The following CSMD1 variants were observed in gnomAD, a reference collection of about 807,000 sequenced individuals.
CSMD1 encodes CUB and Sushi multiple domains 1, also known as CUB and sushi domain-containing protein 1.
CSMD1 carries 213 observed loss-of-function variants against 417.5 expected under a neutral mutation model. The ratio of observed to expected loss-of-function variants is 0.51; its 90% CI spans 0.46 to 0.57. The LOEUF (loss-of-function observed/expected upper bound fraction) is 0.57. CSMD1 is among the 20% of genes least tolerant of loss of function. The probability of loss-of-function intolerance (pLI) is 0.00; values close to 1 mark genes in which losing one functional copy is unlikely to be tolerated. For missense variants in CSMD1, 6,923 were observed against 4,529.7 expected, an observed-to-expected ratio of 1.53 and a Z score of -15.17; for synonymous variants, 2,862 against 1,736.8, an observed-to-expected ratio of 1.65 and a Z score of -16.11.
At chr8:4,616,229 T>G (rs1291806584) in intron 2 of CSMD1, among the ~76,000 whole-genome samples, 1 of 152,134 alleles carries the variant, frequency 6.6e-6, no homozygotes, top group East Asian at 1.9e-4. Flanking sequence ...TAGGAGCACT[T>G]TGAGAATTGA....
chr8:3,715,597 C>T (rs1261171841), intron 6 of CSMD1, among the ~76,000 whole-genome samples: 1 of 152,166 alleles, frequency 6.6e-6, no homozygotes, highest in African/African-American at 2.4e-5. Flanking sequence ...CGCTGGAGTG[C>T]AGTGACACAA....
chr8:4,009,881 T>G (rs1816411612), intron 4 of CSMD1, among the ~76,000 whole-genome samples: 1 of 152,076 alleles, frequency 6.6e-6, no homozygotes, highest in Admixed American at 6.5e-5. Context: ...TCGTACATCC[T>G]TTGTCTTCCT....
intron 11 of CSMD1, among the ~76,000 whole-genome samples, chr8:3,483,477 T>C (rs965987838): frequency 2.0e-5 from 3 of 152,188 alleles, no homozygotes; most frequent in African/African-American, 7.2e-5. Context: ...TAGAAATTAA[T>C]GGTATAACAT....
chr8:4,722,105 T>A (rs2116913990), intron 1 of CSMD1, among the ~76,000 whole-genome samples: 1 of 152,230 alleles, frequency 6.6e-6, no homozygotes, highest in South Asian at 2.1e-4. Context: ...GCATGAAAAC[T>A]ATAGGTAATA....
chr8:4,261,620 G>A (rs1310031824), intron 3 of CSMD1, among the ~76,000 whole-genome samples: 1 of 151,954 alleles, frequency 6.6e-6, no homozygotes, highest in African/African-American at 2.4e-5. Flanking sequence ...ATGTTGCGCA[G>A]GCTAGTGTTG....
chr8:4,328,212 T>C (rs1014790727), intron 3 of CSMD1, among the ~76,000 whole-genome samples: 9 of 151,278 alleles, frequency 5.9e-5, no homozygotes, highest in African/African-American at 2.2e-4. Flanking sequence ...ACCCAAATTC[T>C]ACACACCCAA....
chr8:3,512,215 C>A (rs948521962), intron 10 of CSMD1, among the ~76,000 whole-genome samples: 1 of 152,220 alleles, frequency 6.6e-6, no homozygotes, highest in African/African-American at 2.4e-5. Flanking sequence ...AATTTACCAC[C>A]GCTCCTCGCG....
intron 26 of CSMD1, among the ~76,000 whole-genome samples, chr8:3,277,039 A>G (rs1385797603): frequency 6.6e-6 from 1 of 152,134 alleles, no homozygotes; most frequent in Non-Finnish European, 1.5e-5. Flanking sequence ...AGATAGGCAC[A>G]CTGGAATTTC....
intron 3 of CSMD1, among the ~76,000 whole-genome samples, chr8:4,208,896 A>G (rs1800136256): frequency 6.6e-6 from 1 of 152,124 alleles, no homozygotes; most frequent in Non-Finnish European, 1.5e-5. Context: ...ATTTTCTTAA[A>G]TTTCTTTTTA....
chr8:4,523,270 T>C (rs1275973349), intron 2 of CSMD1, among the ~76,000 whole-genome samples: 1 of 152,202 alleles, frequency 6.6e-6, no homozygotes, highest in Non-Finnish European at 1.5e-5. Flanking sequence ...CTCAAATCAT[T>C]TGCCATACCT....
intron 1 of CSMD1, among the ~76,000 whole-genome samples, chr8:4,885,299 T>A (rs983748549): frequency 9.2e-5 from 14 of 152,130 alleles, no homozygotes; most frequent in East Asian, 1.9e-4. Flanking sequence ...TTCCTTCTTT[T>A]TTTTATTATT....
At chr8:3,088,275 C>T (rs774024708) in intron 48 of CSMD1, among the ~76,000 whole-genome samples, 1 of 152,210 alleles carries the variant, frequency 6.6e-6, no homozygotes, top group Non-Finnish European at 1.5e-5. Flanking sequence ...TAGGTCACTA[C>T]TGCATAAGGC....
At chr8:4,365,061 A>G (rs949688654) in intron 3 of CSMD1, among the ~76,000 whole-genome samples, 2 of 152,182 alleles carry the variant, frequency 1.3e-5, no homozygotes, top group African/African-American at 4.8e-5. Flanking sequence ...GACATTTTCC[A>G]TATTCATCAG....
In CSMD1 at chr8:3,946,999, C is replaced by A. The variant is rs188222040; in HGVS notation, c.818+50904G>T. Among the ~76,000 whole-genome samples the A allele has an allele frequency of 5.3e-5, 8 of 152,168 alleles. No individual in the cohort carries two copies. The East Asian group carries it at 1.4e-3, about 26-fold the overall frequency. On this transcript the variant is annotated intron_variant, in intron 5 of 69. Coordinates refer to ENST00000635120, the MANE Select transcript of CSMD1 (RefSeq NM_033225.6). ...CATCATATAAATAAATACGTTGGAT[C>A]TCATATTTCTAATCTCTATGTCTGT...
intron 1 of CSMD1, among the ~76,000 whole-genome samples, chr8:4,869,945 C>T (rs979089483): frequency 9.9e-5 from 15 of 151,858 alleles, no homozygotes; most frequent in Admixed American, 2.0e-4. Flanking sequence ...TCCTAATCTA[C>T]AATAATCTTA....
At chr8:4,514,246 CT>C (rs892073793) in intron 2 of CSMD1, among the ~76,000 whole-genome samples, 8 of 152,160 alleles carry the variant, frequency 5.3e-5, no homozygotes, top group African/African-American at 1.9e-4. Context: ...GTCTGTGCTT[CT>C]TTTTATACGG....
chr8:4,553,760 C>G (rs1325679908), intron 2 of CSMD1, among the ~76,000 whole-genome samples: 1 of 152,144 alleles, frequency 6.6e-6, no homozygotes, highest in African/African-American at 2.4e-5. Flanking sequence ...TCTAACTGCT[C>G]AGAGTAACGT....
intron 23 of CSMD1, among the ~76,000 whole-genome samples, chr8:3,308,731 A>AATTTTTT (rs750152499): frequency 1.3e-5 from 1 of 75,882 alleles, no homozygotes. Flanking sequence ...CCTACTTACA[A>AATTTTTT]GTTTTTTTTT....
chr8:4,947,826 T>C (rs1413107704), intron 1 of CSMD1, among the ~76,000 whole-genome samples: 5 of 152,168 alleles, frequency 3.3e-5, no homozygotes, highest in African/African-American at 1.2e-4. Context: ...TTTTTGCATA[T>C]AGCTGTGTTT....
Sources: allele counts gnomAD v4.1 joint callset (sites outside exome capture counted in the v4.1 genomes callset), GRCh38; gene constraint gnomAD v4.1.1; transcripts MANE v1.5; gene names NCBI Gene and HGNC (gene_info 2026-07-23, HGNC 2026-07-21).